FMN1: variants seen among roughly 807,000 people sequenced by gnomAD.
The protein encoded by FMN1 is formin-1.
Under a neutral mutation model 132.4 loss-of-function variants are expected in FMN1, and 110 were observed. The observed-to-expected ratio is 0.83, with a 90% CI of 0.71 to 0.97. The LOEUF is 0.97. Among genes scored for constraint, FMN1 ranks in the 50% least tolerant of loss-of-function variants. The probability of loss-of-function intolerance (pLI) is 0.00; values close to 1 mark genes in which losing one functional copy is unlikely to be tolerated. For missense variants in FMN1, 1,792 were observed against 1,705.3 expected, an observed-to-expected ratio of 1.05 and a Z score of -0.90; for synonymous variants, 722 against 651.7, an observed-to-expected ratio of 1.11 and a Z score of -1.64.
rs1595887106 is a variant in FMN1 at position 32,776,874 on chromosome 15, C to A, written c.4176G>T (p.Lys1392Asn). The A allele has an allele frequency of 1.3e-6, 2 of 1,597,566 alleles. No individual in the cohort carries two copies. Among genetic ancestry groups the A allele is most frequent in the Non-Finnish European group, 1.7e-6 (2 of 1,170,538 alleles). ...QESVSKLTSEKKVETKKINPT... is the reference protein window; with the variant it reads ...QESVSKLTSENKVETKKINPT... ...GATTGATTTTCTTTGTCTCCACTTTCTTCTCTGAAGTCAACTTGCTGACTG... is the reference window on the plus strand; with the variant it reads ...GATTGATTTTCTTTGTCTCCACTTTATTCTCTGAAGTCAACTTGCTGACTG... The change falls in exon 20 of 21, where the codon AAG (lysine) becomes AAT (asparagine). Residue 1392 changes from lysine to asparagine, a missense_variant. Coordinates refer to ENST00000616417, the MANE Select transcript of FMN1 (RefSeq NM_001277313.2).
chr15:32,881,261 T>C (rs2059763042), intron 16 of FMN1, among the ~76,000 whole-genome samples: 1 of 152,216 alleles, frequency 6.6e-6, no homozygotes. Context: ...TTTGTATAAA[T>C]ATGCACAAAC....
intron 9 of FMN1, among the ~76,000 whole-genome samples, chr15:32,944,433 A>G (rs2061462042): frequency 6.6e-6 from 1 of 152,250 alleles, no homozygotes; most frequent in African/African-American, 2.4e-5. Flanking sequence ...TGACATTAAA[A>G]TAAGCTTTCC....
intron 15 of FMN1, among the ~76,000 whole-genome samples, chr15:32,894,657 T>C (rs1411866283): frequency 2.0e-5 from 3 of 152,110 alleles, no homozygotes; most frequent in Non-Finnish European, 4.4e-5. Flanking sequence ...GATCAGGATG[T>C]TAATAACGAC....
chr15:32,841,907 T>G (rs2058753208), intron 17 of FMN1, among the ~76,000 whole-genome samples: 1 of 152,116 alleles, frequency 6.6e-6, no homozygotes, highest in Non-Finnish European at 1.5e-5. Flanking sequence ...CTAAGTCAAG[T>G]AAAAAAGCCC....
chr15:33,142,000 G>A (rs1188547180), intron 4 of FMN1, among the ~76,000 whole-genome samples: 3 of 152,082 alleles, frequency 2.0e-5, no homozygotes, highest in Admixed American at 6.5e-5. Context: ...GTGATACATG[G>A]GCTACGCTGT....
chr15:32,857,889 C>T (rs890572674), intron 16 of FMN1, among the ~76,000 whole-genome samples: 1 of 152,184 alleles, frequency 6.6e-6, no homozygotes, highest in Non-Finnish European at 1.5e-5. Flanking sequence ...AGAGGCATCT[C>T]CCCAAGGTTC....
chr15:32,929,561 A>C (rs1379562317), intron 9 of FMN1, among the ~76,000 whole-genome samples: 1 of 152,224 alleles, frequency 6.6e-6, no homozygotes, highest in South Asian at 2.1e-4. Flanking sequence ...CAGAAATTTT[A>C]TACCCACAGA....
intron 9 of FMN1, among the ~76,000 whole-genome samples, chr15:32,938,664 T>C (rs1184607159): frequency 1.3e-5 from 2 of 152,192 alleles, no homozygotes; most frequent in Non-Finnish European, 2.9e-5. Flanking sequence ...ATTTGAAAAT[T>C]TGATAAATAT....
At chr15:32,898,707 C>A (rs2060218757) in intron 15 of FMN1, 127 bp downstream of exon 15, 1 of 616,284 alleles carries the variant, frequency 1.6e-6, no homozygotes, top group African/African-American at 1.8e-5. Context: ...CATCTGTAAA[C>A]CACGCTGGAG....
chr15:33,056,084 C>T (rs948562836), intron 6 of FMN1, among the ~76,000 whole-genome samples: 1 of 152,180 alleles, frequency 6.6e-6, no homozygotes, highest in Non-Finnish European at 1.5e-5. Context: ...CCAGCACTGT[C>T]ATATGCTGCT....
chr15:33,010,182 T>C lies in FMN1; in HGVS notation c.2162-2107A>G, dbSNP rs555077396. ...AACATGAAGAATCTTAAAGGCACTA[T>C]GCAGAGTGAAAGAAGTCAGTCTCAG... is the stretch of plus-strand genomic sequence containing the variant. On this transcript the variant is annotated intron_variant, in intron 6 of 20. Coordinates refer to ENST00000616417, the MANE Select transcript of FMN1 (RefSeq NM_001277313.2). 1.4e-3 allele frequency among the ~76,000 whole-genome samples: 208 copies of C among 152,272 alleles called. 4 individuals are homozygous for C. Among genetic ancestry groups the C allele is most frequent in the Non-Finnish European group, 7.2e-4 (49 of 68,014 alleles).
At chr15:32,936,442 G>A (rs960825354) in intron 9 of FMN1, among the ~76,000 whole-genome samples, 14 of 152,196 alleles carry the variant, frequency 9.2e-5, no homozygotes, top group Non-Finnish European at 1.8e-4. Flanking sequence ...TTACGTATGT[G>A]AATTCCCAAT....
intron 4 of FMN1, among the ~76,000 whole-genome samples, chr15:33,113,860 A>G (rs1211488238): frequency 6.6e-6 from 1 of 152,186 alleles, no homozygotes; most frequent in Non-Finnish European, 1.5e-5. Flanking sequence ...TTCTTTAACA[A>G]TGAAACCCTG....
chr15:33,114,077 G>C (rs2039817290), intron 4 of FMN1, among the ~76,000 whole-genome samples: 1 of 152,148 alleles, frequency 6.6e-6, no homozygotes, highest in African/African-American at 2.4e-5. Context: ...CCTTCTCTTG[G>C]AGCAGCTCTG....
intron 5 of FMN1, chr15:33,067,418 T>C: frequency 6.2e-7 from 1 of 1,614,032 alleles, no homozygotes; most frequent in Admixed American, 1.7e-5. Flanking sequence ...CTCCTCTGGC[T>C]CCTGGCCACC....
At position 32,964,148 on chromosome 15, in the gene FMN1, G is replaced by T. The variant is rs2030944495; in HGVS notation, c.3097C>A (p.Pro1033Thr). Residue 1033 changes from proline to threonine, a missense_variant, in exon 9 of 21, where the codon CCT becomes ACT. Coordinates refer to ENST00000616417, the MANE Select transcript of FMN1 (RefSeq NM_001277313.2). ...SKDTTQQKKK[P>T]LSETYEKKNK... ...TTCTTCTCATAAGTCTCTGACAGAG[G>T]TTTTTTCTTCTGTTGAGTTGTGTCT... 1.2e-6 allele frequency: 2 copies of T among 1,612,754 alleles called. No homozygotes were observed. The highest frequency in any genetic ancestry group is 1.7e-5 in the Admixed American group (1 of 59,892).
intron 5 of FMN1, among the ~76,000 whole-genome samples, chr15:33,066,105 T>C (rs1315526097): frequency 1.3e-5 from 2 of 152,194 alleles, no homozygotes; most frequent in Non-Finnish European, 2.9e-5. Context: ...TTTTGTCAAA[T>C]GGCAGACTTT....
At position 32,773,879 on chromosome 15, in the gene FMN1, C is replaced by G. The variant is rs2056328870; in HGVS notation, c.*431G>C. ...TCAAAACTAAGACCAATAATCAAAA[C>G]AGCAGTGTGTAACGACAAAGACTTG... On this transcript the variant is annotated 3_prime_UTR_variant, in exon 21 of 21. Coordinates refer to ENST00000616417, the MANE Select transcript of FMN1 (RefSeq NM_001277313.2). The G allele has an allele frequency of 5.4e-6, 1 of 183,604 alleles. No individual in the cohort carries two copies. Among genetic ancestry groups the G allele is most frequent in the Admixed American group, 6.4e-5 (1 of 15,618 alleles). 11.4% of individuals were successfully genotyped at this position (183,604 alleles called of 1,614,324 possible).
chr15:32,795,730 C>T (rs1276878972), intron 19 of FMN1, among the ~76,000 whole-genome samples: 2 of 152,114 alleles, frequency 1.3e-5, no homozygotes, highest in African/African-American at 4.8e-5. Context: ...AAGATGAGTC[C>T]TGATACCAGG....
Sources: allele counts gnomAD v4.1 joint callset (sites outside exome capture counted in the v4.1 genomes callset), GRCh38; gene constraint gnomAD v4.1.1; transcripts MANE v1.5; gene names NCBI Gene and HGNC (gene_info 2026-07-23, HGNC 2026-07-21).